The following TMEM132B variants were observed in gnomAD, a reference collection of about 807,000 sequenced individuals.
TMEM132B encodes transmembrane protein 132B.
A neutral mutation model predicts 90.8 loss-of-function variants in TMEM132B; 18 were observed. That is an observed-to-expected ratio of 0.20 (90% CI 0.14 to 0.29). The LOEUF (loss-of-function observed/expected upper bound fraction) is 0.29, where lower values mean the gene tolerates loss of function less well. TMEM132B is among the 10% of genes least tolerant of loss of function. TMEM132B has a pLI of 1.00. For synonymous variants in TMEM132B, 504 were observed against 523.3 expected, an observed-to-expected ratio of 0.96 and a Z score of 0.50; for missense variants, 1,096 against 1,326.8, an observed-to-expected ratio of 0.83 and a Z score of 2.70.
intron 4 of TMEM132B, among the ~76,000 whole-genome samples, chr12:125,562,162 C>T (rs527788815): frequency 2.0e-5 from 3 of 152,332 alleles, no homozygotes; most frequent in East Asian, 3.9e-4. Flanking sequence ...AGTTTATTGA[C>T]TTAAGCCTTA....
rs116273551 is a variant in TMEM132B at position 125,476,042 on chromosome 12, T to C, written c.1107-43397T>C. 7.5e-3 allele frequency among the ~76,000 whole-genome samples: 1,147 copies of C among 152,286 alleles called. 9 individuals are homozygous for C. Among genetic ancestry groups the C allele is most frequent in the African/African-American group, 0.026 (1,085 of 41,548 alleles). Reference sequence around the variant, plus strand: ...GTAATTAAAACATGATGTGTTTGAGTTAATGTTTGGGGAAGCCGGGTAGCC... The same window carrying C: ...GTAATTAAAACATGATGTGTTTGAGCTAATGTTTGGGGAAGCCGGGTAGCC... On this transcript the variant is annotated intron_variant, in intron 3 of 8. Transcript: ENST00000682704.
At chr12:125,539,184 A>C (rs1883891079) in intron 4 of TMEM132B, among the ~76,000 whole-genome samples, 1 of 152,150 alleles carries the variant, frequency 6.6e-6, no homozygotes, top group South Asian at 2.1e-4. Context: ...TGACACACAC[A>C]TTCTTAAGTG....
At chr12:125,512,465 T>C (rs1883006018) in intron 3 of TMEM132B, among the ~76,000 whole-genome samples, 1 of 152,220 alleles carries the variant, frequency 6.6e-6, no homozygotes, top group South Asian at 2.1e-4. Context: ...GGGATTTCGA[T>C]TTAATTTTCC....
chr12:125,430,308 A>G (rs569726873), intron 3 of TMEM132B, among the ~76,000 whole-genome samples: 1 of 152,328 alleles, frequency 6.6e-6, no homozygotes, highest in East Asian at 1.9e-4. Context: ...GCTAGATGTC[A>G]CATCATTGAT....
intron 3 of TMEM132B, among the ~76,000 whole-genome samples, chr12:125,487,869 C>A (rs761783350): frequency 3.0e-4 from 46 of 152,160 alleles, no homozygotes; most frequent in Admixed American, 1.3e-4. Flanking sequence ...CTCCTCTGAA[C>A]TTCTATTGGA....
At chr12:125,380,476 G>A (rs1385729788) in intron 2 of TMEM132B, among the ~76,000 whole-genome samples, 1 of 152,214 alleles carries the variant, frequency 6.6e-6, no homozygotes. Context: ...CAATGAGCAA[G>A]ATGAGTGCAT....
At position 125,349,399 on chromosome 12, in the gene TMEM132B, T is replaced by C; in HGVS notation, c.68-53T>C. On this transcript the variant is annotated intron_variant, in intron 1 of 8. Transcript: ENST00000682704. The surrounding 1 kb of genome is among the most constrained non-coding windows in gnomAD (Gnocchi z 4.1). ...TGGGTGGAGACTGCACTGCATTTAT[T>C]TCATTACATCTCAGAACACGGTTTT... The C allele has an allele frequency of 6.5e-7, 1 of 1,543,146 alleles. No individual in the cohort carries two copies.
intron 2 of TMEM132B, among the ~76,000 whole-genome samples, chr12:125,367,519 A>G (rs947335705): frequency 2.6e-5 from 4 of 152,056 alleles, no homozygotes; most frequent in Admixed American, 2.0e-4. Flanking sequence ...TGACTCTCTC[A>G]TCTCTCTTTA....
chr12:125,273,509 C>T (rs1380072135), intron 1 of TMEM132B, among the ~76,000 whole-genome samples: 2 of 152,234 alleles, frequency 1.3e-5, no homozygotes, highest in African/African-American at 2.4e-5. Flanking sequence ...ATCTCTTGAG[C>T]CTGGGAGGTT....
chr12:125,559,419 G>A (rs4765052), intron 4 of TMEM132B, among the ~76,000 whole-genome samples: 26,681 of 152,132 alleles, frequency 0.18, 2,580 homozygotes, highest in East Asian at 0.44. Context: ...AAGCCATACT[G>A]CAGGTACAGG....
At chr12:125,401,221 G>A (rs1671960153) in intron 2 of TMEM132B, among the ~76,000 whole-genome samples, 1 of 152,096 alleles carries the variant, frequency 6.6e-6, no homozygotes, top group Non-Finnish European at 1.5e-5. Flanking sequence ...CCCTTCATTC[G>A]ACCAATATTG....
At chr12:125,262,529 C>T (rs768842330) in intron 1 of TMEM132B, among the ~76,000 whole-genome samples, 3 of 152,156 alleles carry the variant, frequency 2.0e-5, no homozygotes, top group African/African-American at 7.2e-5. Context: ...GTGTGTGCCC[C>T]CTTTAGTTAA....
chr12:125,229,421 T>C (rs1193271426), intron 1 of TMEM132B, among the ~76,000 whole-genome samples: 1 of 152,198 alleles, frequency 6.6e-6, no homozygotes, highest in East Asian at 1.9e-4. Context: ...TCATTCCTCT[T>C]CCATTACCTG....
chr12:125,630,879 T>C (rs1428272218), intron 5 of TMEM132B, among the ~76,000 whole-genome samples: 4 of 152,124 alleles, frequency 2.6e-5, no homozygotes, highest in Non-Finnish European at 5.9e-5. Context: ...GTAAGGATAA[T>C]GGCCTGCAGA....
chr12:125,304,723 T>TG (rs2136167525), intron 1 of TMEM132B, among the ~76,000 whole-genome samples: 1 of 152,200 alleles, frequency 6.6e-6, no homozygotes, highest in Non-Finnish European at 1.5e-5. Context: ...CCCAACTACT[T>TG]GGGGGGCTGA....
At chr12:125,354,415 T>C (rs1163402162) in intron 2 of TMEM132B, among the ~76,000 whole-genome samples, 1 of 152,176 alleles carries the variant, frequency 6.6e-6, no homozygotes, top group African/African-American at 2.4e-5. Flanking sequence ...TAGCTGGTTG[T>C]AGTTCACCCC....
intron 6 of TMEM132B, among the ~76,000 whole-genome samples, chr12:125,645,573 G>A (rs1305433297): frequency 6.6e-6 from 1 of 152,190 alleles, no homozygotes; most frequent in Admixed American, 6.5e-5. Context: ...AGGAAATAGG[G>A]CCTCAGTTCT....
intron 4 of TMEM132B, among the ~76,000 whole-genome samples, chr12:125,552,972 G>A (rs922311941): frequency 6.6e-6 from 1 of 152,238 alleles, no homozygotes; most frequent in Non-Finnish European, 1.5e-5. Flanking sequence ...ACTTAGGACT[G>A]CTGAGTAAGG....
At chr12:125,534,673 TACC>T (rs1266657652) in intron 4 of TMEM132B, among the ~76,000 whole-genome samples, 1 of 94,318 alleles carries the variant, frequency 1.1e-5, no homozygotes, top group Non-Finnish European at 2.4e-5. Flanking sequence ...TTACTATTAC[TACC>T]ATCACTACTA....
Sources: allele counts gnomAD v4.1 joint callset (sites outside exome capture counted in the v4.1 genomes callset), GRCh38; gene constraint gnomAD v4.1.1; non-coding constraint Gnocchi (gnomAD v3.1); transcripts MANE v1.5; gene names NCBI Gene and HGNC (gene_info 2026-07-23, HGNC 2026-07-21).